Variants in HTR1F observed in about 807,000 individuals in gnomAD.
HTR1F encodes the protein 5-hydroxytryptamine receptor 1F, also known as 5-hydroxytryptamine (serotonin) receptor 1F, G protein-coupled.
In HTR1F, 17 loss-of-function variants were observed where a neutral mutation model predicts 24.0. The observed-to-expected ratio is 0.71, with a 90% CI of 0.48 to 1.06. The LOEUF is 1.06. HTR1F is among the 50% of genes least tolerant of loss of function. The pLI is 0.00. For missense variants in HTR1F, 391 were observed against 427.8 expected (o/e 0.91, Z 0.76); for synonymous variants, 186 against 156.8 (o/e 1.19, Z -1.39).
At chr3:87,918,975 A>G (rs1703953426) in intron 2 of HTR1F, among the ~76,000 whole-genome samples, 1 of 152,162 alleles carries the variant, frequency 6.6e-6, no homozygotes, top group African/African-American at 2.4e-5. Context: ...ATTTTAAACT[A>G]TATTGTAAGG....
At chr3:87,931,163 G>C (rs1336985853) in intron 2 of HTR1F, among the ~76,000 whole-genome samples, 5 of 151,010 alleles carry the variant, frequency 3.3e-5, no homozygotes, top group African/African-American at 1.2e-4. Context: ...TCATCATTTA[G>C]CATTAGGTAT....
intron 2 of HTR1F, among the ~76,000 whole-genome samples, chr3:87,846,886 G>A (rs1466235129): frequency 2.6e-5 from 4 of 151,954 alleles, no homozygotes; most frequent in Non-Finnish European, 4.4e-5. Flanking sequence ...AGCAGACAGT[G>A]AAATGTTGCT....
chr3:87,953,405 C>CA (rs1704877244), intron 2 of HTR1F, among the ~76,000 whole-genome samples: 1 of 149,726 alleles, frequency 6.7e-6, no homozygotes, highest in Non-Finnish European at 1.5e-5. Flanking sequence ...AGACATCTTA[C>CA]AAAAAAAGAC....
intron 2 of HTR1F, among the ~76,000 whole-genome samples, chr3:87,915,564 T>C (rs1703874843): frequency 6.6e-6 from 1 of 152,070 alleles, no homozygotes; most frequent in Admixed American, 6.6e-5. Flanking sequence ...CAAAATGCTC[T>C]GGAAAATCGG....
intron 2 of HTR1F, among the ~76,000 whole-genome samples, chr3:87,881,658 T>G (rs140453827): frequency 1.3e-5 from 2 of 152,212 alleles, no homozygotes; most frequent in South Asian, 2.1e-4. Flanking sequence ...GCTAGCCATA[T>G]GTAAAAGGCT....
chr3:87,871,237 T>C (rs1705548935), intron 2 of HTR1F, among the ~76,000 whole-genome samples: 1 of 151,874 alleles, frequency 6.6e-6, no homozygotes. Context: ...CAGACATAAA[T>C]TCTGGAGCTG....
chr3:87,948,898 G>C (rs1247758618), intron 2 of HTR1F, among the ~76,000 whole-genome samples: 1 of 152,122 alleles, frequency 6.6e-6, no homozygotes, highest in East Asian at 1.9e-4. Context: ...TGCTTTAGGA[G>C]TACTGAATAA....
At chr3:87,945,057 T>C (rs1704662608) in intron 2 of HTR1F, among the ~76,000 whole-genome samples, 1 of 152,022 alleles carries the variant, frequency 6.6e-6, no homozygotes, top group South Asian at 2.1e-4. Flanking sequence ...TTCTATCTTT[T>C]TCTCTCTCTC....
intron 2 of HTR1F, among the ~76,000 whole-genome samples, chr3:87,968,464 A>T (rs192434359): frequency 1.3e-4 from 20 of 152,152 alleles, no homozygotes; most frequent in Non-Finnish European, 2.9e-4. Context: ...CACCCACCTC[A>T]CCCTCCCAAA....
intron 1 of HTR1F, among the ~76,000 whole-genome samples, chr3:87,798,716 T>C (rs1308417681): frequency 1.3e-5 from 2 of 152,168 alleles, no homozygotes; most frequent in Non-Finnish European, 2.9e-5. Flanking sequence ...ATAGTCACTA[T>C]ATTATTAAAT....
intron 2 of HTR1F, among the ~76,000 whole-genome samples, chr3:87,841,941 AAACT>A (rs1704817648): frequency 6.7e-6 from 1 of 150,276 alleles, no homozygotes; most frequent in African/African-American, 2.5e-5. Context: ...AAAAAAAACT[AAACT>A]AACATAAATT....
intron 2 of HTR1F, among the ~76,000 whole-genome samples, chr3:87,864,447 G>C (rs1435463485): frequency 6.6e-6 from 1 of 152,096 alleles, no homozygotes; most frequent in Admixed American, 6.6e-5. Flanking sequence ...TACCTTACAG[G>C]TTCTGTTATT....
intron 2 of HTR1F, among the ~76,000 whole-genome samples, chr3:87,949,847 A>G (rs780649853): frequency 1.3e-4 from 20 of 152,188 alleles, no homozygotes; most frequent in Admixed American, 5.2e-4. Context: ...CCCAGTTTGA[A>G]CAATGTCTTG....
At chr3:87,863,719 C>T (rs1459635997) in intron 2 of HTR1F, among the ~76,000 whole-genome samples, 1 of 152,174 alleles carries the variant, frequency 6.6e-6, no homozygotes, top group African/African-American at 2.4e-5. Context: ...TCCAAGGCCA[C>T]TTCTACACTT....
chr3:87,930,950 CCTT>C (rs1409048422), intron 2 of HTR1F, among the ~76,000 whole-genome samples: 1 of 151,592 alleles, frequency 6.6e-6, no homozygotes, highest in African/African-American at 2.4e-5. Flanking sequence ...GTGAATAAAA[CCTT>C]CTGGAAATTC....
At chr3:87,924,964 ACTTT>A (rs1195171909) in intron 2 of HTR1F, among the ~76,000 whole-genome samples, 2 of 152,152 alleles carry the variant, frequency 1.3e-5, no homozygotes, top group African/African-American at 4.8e-5. Context: ...GGTTTACTAT[ACTTT>A]CTTAAATTTT....
intron 2 of HTR1F, among the ~76,000 whole-genome samples, chr3:87,879,435 G>A (rs1469441494): frequency 2.0e-5 from 3 of 152,056 alleles, no homozygotes; most frequent in Non-Finnish European, 4.4e-5. Context: ...ACTTTACAGA[G>A]GTTCCTTATG....
intron 1 of HTR1F, among the ~76,000 whole-genome samples, chr3:87,820,422 C>A (rs183077280): frequency 1.3e-5 from 2 of 151,700 alleles, no homozygotes; most frequent in Non-Finnish European, 2.9e-5. Flanking sequence ...GTGATCCGCC[C>A]GCCTCGGCCT....
chr3:87,871,211 A>C (rs1022019135), intron 2 of HTR1F, among the ~76,000 whole-genome samples: 4 of 152,072 alleles, frequency 2.6e-5, no homozygotes, highest in Non-Finnish European at 5.9e-5. Context: ...AAGAGATAGA[A>C]ACTATTAAAA....
Sources: gnomAD v4.1 joint callset for allele counts (sites outside exome capture counted in the v4.1 genomes callset) on GRCh38, gnomAD v4.1.1 for gene constraint, MANE v1.5 for transcripts, NCBI Gene and HGNC (gene_info 2026-07-23, HGNC 2026-07-21) for gene names.